Variants in CCDC73 observed in about 807,000 individuals in gnomAD.
CCDC73 encodes the protein coiled-coil domain containing 73.
In CCDC73, 95 loss-of-function variants were observed where a neutral mutation model predicts 116.5. The ratio of observed to expected loss-of-function variants is 0.82; its 90% confidence interval spans 0.69 to 0.97. CCDC73 has a LOEUF of 0.97. CCDC73 is among the 50% of genes least tolerant of loss of function. CCDC73 has a pLI of 0.00. For synonymous variants in CCDC73, 398 were observed against 401.3 expected (o/e 0.99, Z 0.10); for missense variants, 1,066 against 1,206.8 (o/e 0.88, Z 1.73).
chr11:32,651,826 G>T (rs1484415045), intron 12 of CCDC73, among the ~76,000 whole-genome samples: 1 of 152,132 alleles, frequency 6.6e-6, no homozygotes, highest in Non-Finnish European at 1.5e-5. Context: ...GTTTTCTTGG[G>T]AAATGTTCAG....
chr11:32,812,685 A>C, the CCDC73 span, among the ~76,000 whole-genome samples: 2 of 151,598 alleles, frequency 1.3e-5, no homozygotes, highest in African/African-American at 4.9e-5. Context: ...AAAAAAAAAA[A>C]AAATTAGTCA....
At chr11:32,736,060 G>GA (rs1191120756) in intron 2 of CCDC73, among the ~76,000 whole-genome samples, 1 of 151,948 alleles carries the variant, frequency 6.6e-6, no homozygotes, top group Non-Finnish European at 1.5e-5. Flanking sequence ...AAAAACCCTA[G>GA]AAAAAAACCT....
the CCDC73 span, among the ~76,000 whole-genome samples, chr11:32,802,427 G>GT: frequency 6.6e-6 from 1 of 152,158 alleles, no homozygotes; most frequent in Non-Finnish European, 1.5e-5. Flanking sequence ...ATCACCAATT[G>GT]TGAGAATATT....
intron 2 of CCDC73, among the ~76,000 whole-genome samples, chr11:32,747,943 C>T (rs572637367): frequency 5.9e-5 from 9 of 152,254 alleles, no homozygotes; most frequent in South Asian, 2.1e-4. Context: ...TCGCCCTCCA[C>T]GGGCTGCACC....
At chr11:32,791,588 C>A (rs2133407772) in intron 1 of CCDC73, among the ~76,000 whole-genome samples, 1 of 152,264 alleles carries the variant, frequency 6.6e-6, no homozygotes. Flanking sequence ...TTCTAATCTA[C>A]AAAATTGTTA....
At chr11:32,750,676 C>T (rs1316796600) in intron 2 of CCDC73, among the ~76,000 whole-genome samples, 1 of 152,102 alleles carries the variant, frequency 6.6e-6, no homozygotes, top group Admixed American at 6.5e-5. Flanking sequence ...ACTTAAGGCC[C>T]AAGTCCAGGC....
intron 2 of CCDC73, chr11:32,758,657 C>T (rs868584957): frequency 1.1e-4 from 28 of 263,530 alleles, no homozygotes; most frequent in Middle Eastern, 1.5e-3. Context: ...AAAAAAAAAA[C>T]GCTATTCCTT....
intron 4 of CCDC73, among the ~76,000 whole-genome samples, chr11:32,702,503 T>C (rs192033777): frequency 6.6e-6 from 1 of 152,254 alleles, no homozygotes; most frequent in African/African-American, 2.4e-5. Flanking sequence ...ACATTATAAC[T>C]CTACTTGGGT....
chr11:32,651,219 C>T (rs1476265887), intron 12 of CCDC73, among the ~76,000 whole-genome samples: 2 of 152,210 alleles, frequency 1.3e-5, no homozygotes, highest in Non-Finnish European at 2.9e-5. Context: ...TCTCAAGGGA[C>T]TGCAACTGCC....
chr11:32,783,944 G>A (rs1850604883), intron 1 of CCDC73, among the ~76,000 whole-genome samples: 1 of 152,090 alleles, frequency 6.6e-6, no homozygotes, highest in Non-Finnish European at 1.5e-5. Flanking sequence ...TCAACACAAT[G>A]GTATTAATAG....
rs138146824 is a variant in CCDC73, at chr11:32,781,303, T to C, written c.-16+13310A>G. 5.2e-3 allele frequency among the ~76,000 whole-genome samples: 794 copies of C among 152,312 alleles called. 8 individuals carry two copies. Among genetic ancestry groups the C allele is most frequent in the African/African-American group, 0.017 (695 of 41,558 alleles). Reference sequence around the variant, plus strand: ...AAAATGACAGTGGTGATTTAAGGCATAAGCCTTAGAACAAACAGAATGGTA... The same window carrying C: ...AAAATGACAGTGGTGATTTAAGGCACAAGCCTTAGAACAAACAGAATGGTA... On this transcript the variant is annotated intron_variant, in intron 1 of 17. Transcript: ENST00000335185.
At chr11:32,765,892 G>C (rs1463206088) in intron 1 of CCDC73, among the ~76,000 whole-genome samples, 2 of 152,210 alleles carry the variant, frequency 1.3e-5, no homozygotes, top group East Asian at 3.8e-4. Context: ...GGAGGAGCTG[G>C]TACCATTCTT....
At chr11:32,642,115 A>C (rs963175906) in intron 12 of CCDC73, 33 bp from the exon 13 acceptor site, 15 of 1,495,936 alleles carry the variant, frequency 1.0e-5, no homozygotes, top group Non-Finnish European at 1.3e-5. Context: ...AAAAATAATC[A>C]ATACCACATT....
chr11:32,735,238 T>C (rs1198641471), intron 2 of CCDC73, among the ~76,000 whole-genome samples: 4 of 152,182 alleles, frequency 2.6e-5, no homozygotes, highest in African/African-American at 9.7e-5. Flanking sequence ...TTGTCCCTGT[T>C]TGCAGATGAC....
intron 2 of CCDC73, among the ~76,000 whole-genome samples, chr11:32,720,709 T>TTTCTATATTTTAACAATGAATA (rs1445551193): frequency 8.5e-5 from 13 of 152,264 alleles, no homozygotes; most frequent in Admixed American, 3.9e-4. Flanking sequence ...CAATGTCACA[T>TTTCTATATTTTAACAATGAATA]TTCTATATTT....
chr11:32,694,549 C>T (rs1856291275), intron 6 of CCDC73, among the ~76,000 whole-genome samples: 1 of 152,022 alleles, frequency 6.6e-6, no homozygotes, highest in Non-Finnish European at 1.5e-5. Context: ...ACCTGTGTAA[C>T]AAACCTGCAC....
At chr11:32,687,187 T>G (rs1178624012) in intron 6 of CCDC73, among the ~76,000 whole-genome samples, 1 of 152,128 alleles carries the variant, frequency 6.6e-6, no homozygotes, top group Non-Finnish European at 1.5e-5. Context: ...GTCCATTAGG[T>G]TAGGTACAAT....
At chr11:32,647,482 C>G (rs904542404) in intron 12 of CCDC73, among the ~76,000 whole-genome samples, 12 of 152,104 alleles carry the variant, frequency 7.9e-5, no homozygotes, top group Admixed American at 7.2e-4. Flanking sequence ...ATATCTAAAC[C>G]ATATCAGAGG....
chr11:32,710,291 C>T (rs1299672267), intron 3 of CCDC73, among the ~76,000 whole-genome samples: 1 of 152,110 alleles, frequency 6.6e-6, no homozygotes, highest in African/African-American at 2.4e-5. Flanking sequence ...TCTGTATGTG[C>T]TCTTTCAGAC....
Sources: gnomAD v4.1 joint callset for allele counts (sites outside exome capture counted in the v4.1 genomes callset) on GRCh38, gnomAD v4.1.1 for gene constraint, MANE v1.5 for transcripts, NCBI Gene and HGNC (gene_info 2026-07-23, HGNC 2026-07-21) for gene names.